PRR14L: variants seen among roughly 807,000 people sequenced by gnomAD.
PRR14L encodes proline rich 14 like.
In PRR14L, 80 loss-of-function variants were observed where a neutral mutation model predicts 155.0. That is an observed-to-expected ratio of 0.52 (90% CI 0.43 to 0.62). The LOEUF (loss-of-function observed/expected upper bound fraction) is 0.62, where lower values mean the gene tolerates loss of function less well. PRR14L is among the 20% of genes least tolerant of loss of function. The probability of loss-of-function intolerance (pLI) is 0.00; values close to 1 mark genes in which losing one functional copy is unlikely to be tolerated. For synonymous variants in PRR14L, 883 were observed against 916.0 expected, an observed-to-expected ratio of 0.96 and a Z score of 0.65; for missense variants, 2,469 against 2,548.0, an observed-to-expected ratio of 0.97 and a Z score of 0.67.
intron 3 of PRR14L, among the ~76,000 whole-genome samples, chr22:31,719,220 A>G (rs1005193909): frequency 6.6e-6 from 1 of 151,776 alleles, no homozygotes; most frequent in Admixed American, 6.6e-5. Context: ...TGGGCAACAC[A>G]AGGAGACTCT....
Position 31,749,062 on chromosome 22 carries a change from A to C in PRR14L, c.-52+931T>G, listed in dbSNP as rs150732553. On this transcript the variant is annotated intron_variant, in intron 1 of 8. Coordinates refer to ENST00000327423, the MANE Select transcript of PRR14L (RefSeq NM_173566.3). ...TATTAGTTTTCTTTTTTAACAGATT[A>C]AGTAATAGTAATAGCAACAGCTTAC... Among the ~76,000 whole-genome samples, 675 of 152,322 alleles carry C rather than the reference A, an allele frequency of 4.4e-3. 2 individuals carry two copies. Among genetic ancestry groups the C allele is most frequent in the Admixed American group, 6.5e-3 (99 of 15,292 alleles).
chr22:31,742,131 C>T (rs1240714339), intron 1 of PRR14L, among the ~76,000 whole-genome samples: 2 of 152,064 alleles, frequency 1.3e-5, no homozygotes, highest in African/African-American at 4.8e-5. Context: ...TTTCACCTGT[C>T]ACAGCACATA....
intron 4 of PRR14L, among the ~76,000 whole-genome samples, chr22:31,706,434 C>T (rs5998100): frequency 0.19 from 25,723 of 137,762 alleles, 3,591 homozygotes; most frequent in African/African-American, 0.39. Context: ...CTTCCTTTTT[C>T]TTTTTTTTGA....
At chr22:31,733,457 A>G (rs1205500012) in intron 2 of PRR14L, among the ~76,000 whole-genome samples, 3 of 150,500 alleles carry the variant, frequency 2.0e-5, no homozygotes, top group Non-Finnish European at 3.0e-5. Flanking sequence ...GCCATGCATC[A>G]CTGCGCCCAG....
chr22:31,711,537 T>C (rs2074622097), intron 4 of PRR14L, among the ~76,000 whole-genome samples: 1 of 151,538 alleles, frequency 6.6e-6, no homozygotes, highest in Admixed American at 6.6e-5. Flanking sequence ...TCCTAGCACT[T>C]TGGGAGGCCG....
At chr22:31,727,091 T>A (rs1039136377) in intron 2 of PRR14L, among the ~76,000 whole-genome samples, 4 of 152,154 alleles carry the variant, frequency 2.6e-5, no homozygotes, top group Admixed American at 2.6e-4. Flanking sequence ...TCTTAGTGGA[T>A]CCAGCCCCAG....
At chr22:31,726,366 G>C (rs531740638) in intron 2 of PRR14L, among the ~76,000 whole-genome samples, 12 of 151,730 alleles carry the variant, frequency 7.9e-5, no homozygotes, top group Admixed American at 7.9e-4. Context: ...CCTGACCTCA[G>C]GTGATCCACC....
intron 7 of PRR14L, among the ~76,000 whole-genome samples, chr22:31,694,914 CT>C (rs1357479209): frequency 6.6e-6 from 1 of 151,928 alleles, no homozygotes; most frequent in African/African-American, 2.4e-5. Flanking sequence ...GAAACCCTGT[CT>C]CTACTAAAAA....
chr22:31,731,080 C>T (rs1045637371), intron 2 of PRR14L, among the ~76,000 whole-genome samples: 1 of 152,130 alleles, frequency 6.6e-6, no homozygotes, highest in African/African-American at 2.4e-5. Flanking sequence ...CAAATTGCTC[C>T]GGGCACATCT....
intron 2 of PRR14L, among the ~76,000 whole-genome samples, 183 bp downstream of exon 2, chr22:31,738,204 C>T (rs753539188): frequency 6.6e-6 from 1 of 152,212 alleles, no homozygotes; most frequent in Non-Finnish European, 1.5e-5. Flanking sequence ...AGCACTTCCT[C>T]TCTTCAAGTG....
At chr22:31,746,787 C>T (rs2074840485) in intron 1 of PRR14L, among the ~76,000 whole-genome samples, 1 of 151,174 alleles carries the variant, frequency 6.6e-6, no homozygotes, top group Admixed American at 6.6e-5. Flanking sequence ...AATACTTCTC[C>T]CAGCAGTCTT....
intron 4 of PRR14L, among the ~76,000 whole-genome samples, chr22:31,711,255 C>T (rs866169739): frequency 1.7e-4 from 26 of 152,190 alleles, no homozygotes; most frequent in African/African-American, 4.6e-4. Context: ...AGAGGATCAC[C>T]GGACGCCAGG....
chr22:31,696,540 C>T (rs5753760), intron 7 of PRR14L, among the ~76,000 whole-genome samples: 146,121 of 152,280 alleles, frequency 0.96, 70,169 homozygotes, highest in East Asian at 1. Context: ...CCCAAAGTGT[C>T]GGGATTATAG....
At chr22:31,747,843 C>G (rs1292637534) in intron 1 of PRR14L, among the ~76,000 whole-genome samples, 1 of 151,022 alleles carries the variant, frequency 6.6e-6, no homozygotes, top group Admixed American at 6.6e-5. Context: ...GAAAACAAAC[C>G]TACCAGTGAA....
chr22:31,701,606 A>G, intron 7 of PRR14L, 50 bp downstream of exon 7: 6 of 1,210,668 alleles, frequency 5.0e-6, no homozygotes, highest in Non-Finnish European at 7.2e-6. Flanking sequence ...TATTATGACA[A>G]ACAATTTTCC....
chr22:31,686,117 A>C (rs1396330433), intron 8 of PRR14L, among the ~76,000 whole-genome samples: 5 of 136,396 alleles, frequency 3.7e-5, no homozygotes, highest in Non-Finnish European at 3.1e-5. Context: ...TTTTTTTTTT[A>C]AGATGGAGTC....
At chr22:31,742,918 A>G (rs986675235) in intron 1 of PRR14L, among the ~76,000 whole-genome samples, 2 of 152,216 alleles carry the variant, frequency 1.3e-5, no homozygotes, top group African/African-American at 4.8e-5. Context: ...ACGTTACAAC[A>G]TGAATGAACC....
chr22:31,691,711 C>T (rs1041615449), intron 7 of PRR14L, among the ~76,000 whole-genome samples: 1 of 152,194 alleles, frequency 6.6e-6, no homozygotes, highest in Non-Finnish European at 1.5e-5. Context: ...ATCAGTACTT[C>T]GTTCCTTTTC....
chr22:31,704,131 C>T (rs1446908385), intron 5 of PRR14L, among the ~76,000 whole-genome samples: 1 of 152,154 alleles, frequency 6.6e-6, no homozygotes, highest in Non-Finnish European at 1.5e-5. Flanking sequence ...AATACTTTTT[C>T]TTTCTTTCCA....
Sources: gnomAD v4.1 joint callset for allele counts (sites outside exome capture counted in the v4.1 genomes callset) on GRCh38, gnomAD v4.1.1 for gene constraint, MANE v1.5 for transcripts, NCBI Gene and HGNC (gene_info 2026-07-23, HGNC 2026-07-21) for gene names.